CELF2: variants seen among roughly 807,000 people sequenced by gnomAD.
CELF2 encodes CUG triplet repeat RNA-binding protein 2.
In CELF2, 8 loss-of-function variants were observed where a neutral mutation model predicts 62.6. That is an observed-to-expected ratio of 0.13 (90% confidence interval 0.07 to 0.23). The LOEUF (loss-of-function observed/expected upper bound fraction) is 0.23, where lower values mean the gene tolerates loss of function less well. CELF2 is among the 10% of genes least tolerant of loss of function. CELF2 has a pLI of 1.00. For synonymous variants in CELF2, 258 were observed against 250.0 expected (o/e 1.03, Z -0.30); for missense variants, 333 against 671.0 (o/e 0.50, Z 5.56).
chr10:10,772,869 CAAGAT>C, the CELF2 span, among the ~76,000 whole-genome samples: 5 of 152,140 alleles, frequency 3.3e-5, no homozygotes, highest in Non-Finnish European at 5.9e-5. Context: ...CTTTAAAAAT[CAAGAT>C]AAGAAAGAGA....
the CELF2 span, among the ~76,000 whole-genome samples, chr10:10,472,997 G>A: frequency 1.3e-5 from 2 of 151,950 alleles, no homozygotes; most frequent in Admixed American, 6.6e-5. Flanking sequence ...CTGACACTGC[G>A]AACTCCTGAA....
rs140117825 is a variant in CELF2 at position 11,205,534 on chromosome 10, C to T, written c.272-11891C>T. Among the ~76,000 whole-genome samples, 187 of 152,342 alleles carry T rather than the reference C, an allele frequency of 1.2e-3. 1 individual carries two copies. The highest frequency in any genetic ancestry group is 4.2e-3 in the African/African-American group (175 of 41,572). Reference sequence around the variant, plus strand: ...TGATACATCTATAATATAGCTGTCACTAACCCCATGTTATTAAGAACCAGA... The same window carrying T: ...TGATACATCTATAATATAGCTGTCATTAACCCCATGTTATTAAGAACCAGA... On this transcript the variant is annotated intron_variant, in intron 2 of 12. Coordinates refer to ENST00000633077, the MANE Select transcript of CELF2 (RefSeq NM_001326342.2).
chr10:10,552,590 C>T, the CELF2 span, among the ~76,000 whole-genome samples: 1 of 152,150 alleles, frequency 6.6e-6, no homozygotes. Flanking sequence ...ATTCTGACCT[C>T]AAGAGAACCT....
intron 1 of CELF2, among the ~76,000 whole-genome samples, chr10:11,035,566 A>T (rs188086409): frequency 2.0e-5 from 3 of 152,244 alleles, no homozygotes; most frequent in African/African-American, 7.2e-5. Flanking sequence ...AGGAGAGCTC[A>T]GCCAGATTTA....
At chr10:10,624,380 G>C in the CELF2 span, among the ~76,000 whole-genome samples, 2 of 152,096 alleles carry the variant, frequency 1.3e-5, no homozygotes, top group Non-Finnish European at 2.9e-5. Flanking sequence ...GTCATGCTTC[G>C]ATGGCATTAC....
At chr10:10,598,119 G>T in the CELF2 span, among the ~76,000 whole-genome samples, 2 of 152,178 alleles carry the variant, frequency 1.3e-5, no homozygotes, top group East Asian at 1.9e-4. Flanking sequence ...TGTCCAGAGA[G>T]AGTTGGGGTC....
At chr10:10,701,613 A>G in the CELF2 span, among the ~76,000 whole-genome samples, 1 of 152,250 alleles carries the variant, frequency 6.6e-6, no homozygotes, top group Non-Finnish European at 1.5e-5. Flanking sequence ...TGTAAGCATT[A>G]CTATAACCAG....
rs114121844 is a variant in CELF2 at position 11,251,155 on chromosome 10, T to C, written c.403+1954T>C. ...GGACAAGGACCATGAAGTGAAAGTC[T>C]ATGGAAAAGGGTTTGTCTCACTTCT... On this transcript the variant is annotated intron_variant, in intron 4 of 12. Transcript: ENST00000633077. Among the ~76,000 whole-genome samples, 1,254 of 152,062 alleles carry C rather than the reference T, an allele frequency of 8.2e-3. 16 individuals carry two copies. The highest frequency in any genetic ancestry group is 0.029 in the African/African-American group (1,197 of 41,452).
At chr10:11,026,896 T>C (rs1221368725) in intron 1 of CELF2, among the ~76,000 whole-genome samples, 1 of 152,178 alleles carries the variant, frequency 6.6e-6, no homozygotes, top group Non-Finnish European at 1.5e-5. Flanking sequence ...TTTGACTTCC[T>C]ACATTATAGG....
intron 2 of CELF2, among the ~76,000 whole-genome samples, chr10:10,956,507 G>T (rs906205414): frequency 1.3e-5 from 2 of 152,142 alleles, no homozygotes; most frequent in African/African-American, 4.8e-5. Context: ...TAAGCATTGT[G>T]ACCCAAAGCA....
chr10:10,896,328 G>T (rs1258964952), intron 1 of CELF2, among the ~76,000 whole-genome samples: 22 of 152,228 alleles, frequency 1.4e-4, no homozygotes, highest in South Asian at 4.1e-4. Context: ...TATGCTGCTT[G>T]CAAGAAATGC....
chr10:10,769,904 C>T, the CELF2 span, among the ~76,000 whole-genome samples: 37,073 of 152,010 alleles, frequency 0.24, 5,119 homozygotes, highest in East Asian at 0.5. Context: ...AATCAGTTTA[C>T]AGCAGTAGGG....
At chr10:10,506,648 C>T in the CELF2 span, among the ~76,000 whole-genome samples, 12 of 145,028 alleles carry the variant, frequency 8.3e-5, no homozygotes, top group Non-Finnish European at 1.8e-4. Flanking sequence ...TACTATCTAC[C>T]ACAGTTGTCC....
chr10:11,304,619 G>C (rs960308538), intron 9 of CELF2, among the ~76,000 whole-genome samples: 5 of 152,154 alleles, frequency 3.3e-5, no homozygotes, highest in African/African-American at 1.2e-4. Flanking sequence ...TACGTATAAA[G>C]CCCTACTTCC....
intron 1 of CELF2, among the ~76,000 whole-genome samples, chr10:11,089,460 A>G (rs2047714144): frequency 6.6e-6 from 1 of 152,218 alleles, no homozygotes; most frequent in African/African-American, 2.4e-5. Flanking sequence ...TAACTGCTGC[A>G]GGCATCTCGA....
At chr10:10,646,184 A>G in the CELF2 span, among the ~76,000 whole-genome samples, 1 of 152,216 alleles carries the variant, frequency 6.6e-6, no homozygotes, top group East Asian at 1.9e-4. Flanking sequence ...GAGCACCTAC[A>G]GATAAAAAGC....
chr10:10,764,105 A>G, the CELF2 span, among the ~76,000 whole-genome samples: 1 of 152,256 alleles, frequency 6.6e-6, no homozygotes, highest in Non-Finnish European at 1.5e-5. Context: ...TCATGCAAAA[A>G]TTCAGACGGG....
chr10:11,221,039 C>T (rs908926923), intron 3 of CELF2, among the ~76,000 whole-genome samples: 3 of 152,244 alleles, frequency 2.0e-5, no homozygotes, highest in Non-Finnish European at 2.9e-5. Context: ...TTCCACCACA[C>T]ACACACATCC....
chr10:10,808,846 C>G (rs1225903687), intron 1 of CELF2, among the ~76,000 whole-genome samples: 1 of 152,146 alleles, frequency 6.6e-6, no homozygotes, highest in Non-Finnish European at 1.5e-5. Flanking sequence ...ACCACTCATT[C>G]AAGAAACATT....
Sources: gnomAD v4.1 joint callset for allele counts (sites outside exome capture counted in the v4.1 genomes callset) on GRCh38, gnomAD v4.1.1 for gene constraint, MANE v1.5 for transcripts, NCBI Gene and HGNC (gene_info 2026-07-23, HGNC 2026-07-21) for gene names.